MAP7: variants seen among roughly 807,000 people sequenced by gnomAD.
MAP7 encodes the protein microtubule associated protein 7, also known as ensconsin.
Under a neutral mutation model 94.8 loss-of-function variants are expected in MAP7, and 52 were observed. That is an observed-to-expected ratio of 0.55 (90% CI 0.44 to 0.69). The LOEUF is 0.69. Ranked by LOEUF, MAP7 falls within the 30% of genes least tolerant of loss-of-function variation. MAP7 has a pLI of 0.00. For missense variants in MAP7, 940 were observed against 964.6 expected (o/e 0.97, Z 0.34); for synonymous variants, 350 against 357.0 (o/e 0.98, Z 0.22).
intron 3 of MAP7, among the ~76,000 whole-genome samples, chr6:136,401,771 AAAGTAT>A (rs561259487): frequency 4.8e-4 from 73 of 152,136 alleles, no homozygotes; most frequent in Non-Finnish European, 7.9e-4. Flanking sequence ...CCAAGAACTT[AAAGTAT>A]AATTAAAAAA....
intron 2 of MAP7, among the ~76,000 whole-genome samples, chr6:136,418,381 A>C (rs1790207290): frequency 6.6e-6 from 1 of 152,042 alleles, no homozygotes; most frequent in Non-Finnish European, 1.5e-5. Flanking sequence ...TGCCTGGCTA[A>C]TTTTTGTATT....
At chr6:136,440,677 G>A (rs1797578468) in intron 1 of MAP7, among the ~76,000 whole-genome samples, 4 of 151,940 alleles carry the variant, frequency 2.6e-5, no homozygotes, top group Admixed American at 2.6e-4. Context: ...AATTTTAGAA[G>A]ATGAAAATAA....
At position 136,361,026 on chromosome 6, in the gene MAP7, C is replaced by A; in HGVS notation, c.1680G>T (p.Glu560Asp). The part of the protein sequence containing the change: ...AEERALRERE[E>D]AERAQRQKEE... Reference sequence around the variant, plus strand: ...GCACCTGCCTCTGGGCGCGCTCTGCCTCCTCCCGCTCGCGCAGCGCCCGCT... The same window carrying A: ...GCACCTGCCTCTGGGCGCGCTCTGCATCCTCCCGCTCGCGCAGCGCCCGCT... Residue 560 changes from glutamate (E) to aspartate (D), a missense_variant, in exon 12 of 18, where the codon GAG becomes GAT. Physicochemically the swap from Glu to Asp is conservative, Grantham distance 45 (BLOSUM62 2). Transcript: ENST00000354570. The A allele has an allele frequency of 7.6e-6, 12 of 1,576,536 alleles. No individual in the cohort carries two copies. The highest frequency in any genetic ancestry group is 1.0e-5 in the Non-Finnish European group (12 of 1,167,578).
chr6:136,418,490 C>T (rs982119297), intron 2 of MAP7, among the ~76,000 whole-genome samples: 2 of 152,218 alleles, frequency 1.3e-5, no homozygotes, highest in Admixed American at 1.3e-4. Flanking sequence ...GCTGGGATTA[C>T]AGGCGTGAGC....
At chr6:136,423,102 G>T (rs1791909789) in intron 1 of MAP7, among the ~76,000 whole-genome samples, 1 of 152,210 alleles carries the variant, frequency 6.6e-6, no homozygotes, top group South Asian at 2.1e-4. Flanking sequence ...GCACATAGAA[G>T]GTGTTTAACA....
At chr6:136,366,106 G>A (rs542337200) in intron 9 of MAP7, 88 bp from the exon 10 acceptor site, 3 of 1,361,908 alleles carry the variant, frequency 2.2e-6, no homozygotes, top group Non-Finnish European at 3.0e-6. Context: ...GGAAGAGAAT[G>A]CAGATATTTA....
At chr6:136,497,797 CAAAAAAAAA>C (rs1199112585) in intron 1 of MAP7, among the ~76,000 whole-genome samples, 4 of 46,568 alleles carry the variant, frequency 8.6e-5, no homozygotes, top group African/African-American at 1.3e-4. Context: ...GACTCTGTCA[CAAAAAAAAA>C]AAAAAAAAAA....
intron 3 of MAP7, among the ~76,000 whole-genome samples, chr6:136,392,388 C>CTTT (rs11347286): frequency 0.012 from 1,180 of 102,356 alleles, 10 homozygotes; most frequent in Admixed American, 0.033. Context: ...CTGCATCTTG[C>CTTT]TTTTTTTTTT....
chr6:136,401,969 T>C (rs1271794586), intron 3 of MAP7, among the ~76,000 whole-genome samples: 1 of 152,174 alleles, frequency 6.6e-6, no homozygotes, highest in African/African-American at 2.4e-5. Context: ...CAGAGATATC[T>C]TCCTCAAGAA....
intron 3 of MAP7, among the ~76,000 whole-genome samples, chr6:136,400,317 G>A (rs911132192): frequency 6.6e-6 from 1 of 151,758 alleles, no homozygotes; most frequent in African/African-American, 2.4e-5. Context: ...TAGGGAGGCT[G>A]AGGCAGGAGA....
chr6:136,401,488 G>A (rs1015793566), intron 3 of MAP7, among the ~76,000 whole-genome samples: 4 of 152,172 alleles, frequency 2.6e-5, no homozygotes, highest in Non-Finnish European at 4.4e-5. Context: ...GTAGGGACAT[G>A]GATAAAGCTG....
chr6:136,407,747 G>A (rs189582069), intron 3 of MAP7, among the ~76,000 whole-genome samples: 349 of 152,278 alleles, frequency 2.3e-3, no homozygotes, highest in Non-Finnish European at 3.5e-3. Flanking sequence ...ACCAGTCAGT[G>A]GACAGTATTG....
chr6:136,404,304 G>A (rs1314685927), intron 3 of MAP7, among the ~76,000 whole-genome samples: 1 of 150,960 alleles, frequency 6.6e-6, no homozygotes. Flanking sequence ...CACTCACTGA[G>A]TTGACAACAC....
At chr6:136,528,688 A>C (rs920797498) in intron 1 of MAP7, among the ~76,000 whole-genome samples, 5 of 152,260 alleles carry the variant, frequency 3.3e-5, no homozygotes, top group African/African-American at 1.2e-4. Context: ...ACAGCTTCCA[A>C]ACAAAGCTAG....
chr6:136,406,264 G>T (rs548130846), intron 3 of MAP7, among the ~76,000 whole-genome samples: 3 of 152,172 alleles, frequency 2.0e-5, no homozygotes, highest in Non-Finnish European at 4.4e-5. Context: ...GCAGATCTCA[G>T]AATCTGCTCC....
intron 16 of MAP7, among the ~76,000 whole-genome samples, chr6:136,347,011 A>G (rs1354825918): frequency 6.6e-6 from 1 of 152,148 alleles, no homozygotes; most frequent in East Asian, 1.9e-4. Context: ...CTTGATCCTT[A>G]TGAATTCATG....
chr6:136,456,537 T>C (rs1027154901), intron 1 of MAP7, among the ~76,000 whole-genome samples: 3 of 151,824 alleles, frequency 2.0e-5, no homozygotes, highest in Admixed American at 2.0e-4. Flanking sequence ...GTAGGTGTGG[T>C]GGCATGCACC....
At chr6:136,467,832 T>G (rs1279134302) in intron 1 of MAP7, among the ~76,000 whole-genome samples, 3 of 152,216 alleles carry the variant, frequency 2.0e-5, no homozygotes, top group African/African-American at 7.2e-5. Context: ...GGGCCCAATG[T>G]GAAAAGGAAA....
At chr6:136,370,956 G>C (rs1774304104) in intron 8 of MAP7, among the ~76,000 whole-genome samples, 1 of 150,354 alleles carries the variant, frequency 6.7e-6, no homozygotes, top group Non-Finnish European at 1.5e-5. Context: ...TTAAAATTTA[G>C]CTTGTCAGTT....
Sources: allele counts gnomAD v4.1 joint callset (sites outside exome capture counted in the v4.1 genomes callset), GRCh38; gene constraint gnomAD v4.1.1; transcripts MANE v1.5; gene names NCBI Gene and HGNC (gene_info 2026-07-23, HGNC 2026-07-21).